IL1RAPL1: variants seen among roughly 807,000 people sequenced by gnomAD.
IL1RAPL1 encodes the protein interleukin 1 receptor accessory protein like 1.
In IL1RAPL1, 3 loss-of-function variants were observed where a neutral mutation model predicts 48.4. The observed-to-expected ratio is 0.06, with a 90% CI of 0.03 to 0.16. The LOEUF (loss-of-function observed/expected upper bound fraction) is 0.16. Among genes scored for constraint, IL1RAPL1 ranks in the 10% least tolerant of loss-of-function variants. IL1RAPL1 has a pLI of 1.00. For synonymous variants in IL1RAPL1, 185 were observed against 187.7 expected (o/e 0.99, Z 0.12); for missense variants, 349 against 530.6 (o/e 0.66, Z 3.36).
chrX:28,966,512 G>A (rs1924923416), intron 2 of IL1RAPL1, among the ~76,000 whole-genome samples: 1 of 111,270 alleles, frequency 9.0e-6, no homozygotes, highest in Non-Finnish European at 1.9e-5. Context: ...CAAAATGATC[G>A]TCCTCTGCCA....
Position 29,263,525 on chromosome X carries a change from C to G in IL1RAPL1, c.83-19413C>G, listed in dbSNP as rs141364563. 5.4e-3 allele frequency among the ~76,000 whole-genome samples: 603 copies of G among 112,212 alleles called. 6 individuals carry two copies. The East Asian group carries it at 0.081, about 15-fold the overall frequency. ...CCTACAATATTTGCCTGCTTTGACT[C>G]TGACTGTGCTTAAGTATATCCAGGC... On this transcript the variant is annotated intron_variant, in intron 2 of 10. Coordinates refer to ENST00000378993, the MANE Select transcript of IL1RAPL1 (RefSeq NM_014271.4).
intron 5 of IL1RAPL1, among the ~76,000 whole-genome samples, chrX:29,463,134 T>C (rs915202475): frequency 2.7e-5 from 3 of 111,084 alleles, no homozygotes; most frequent in Non-Finnish European, 5.7e-5. Context: ...TACTTTATTT[T>C]ATGACAAATG....
At chrX:29,550,466 A>G (rs2147787465) in intron 5 of IL1RAPL1, among the ~76,000 whole-genome samples, 1 of 112,247 alleles carries the variant, frequency 8.9e-6, no homozygotes, top group East Asian at 2.8e-4. Context: ...GGCGTGAGCC[A>G]CTGCGCCCGG....
chrX:29,947,773 G>T, intron 9 of IL1RAPL1, among the ~76,000 whole-genome samples: 1 of 104,994 alleles, frequency 9.5e-6, no homozygotes, highest in East Asian at 2.9e-4. Context: ...TTTTTGGTGG[G>T]GGGGTGGGTG....
chrX:29,019,560 T>A (rs1186448031), intron 2 of IL1RAPL1, among the ~76,000 whole-genome samples: 1 of 111,087 alleles, frequency 9.0e-6, no homozygotes, highest in Non-Finnish European at 1.9e-5. Context: ...AAGATGGAGA[T>A]CACCAAAAAA....
At chrX:29,365,753 A>T (rs1399573684) in intron 3 of IL1RAPL1, among the ~76,000 whole-genome samples, 1 of 109,373 alleles carries the variant, frequency 9.1e-6, no homozygotes, top group Non-Finnish European at 1.9e-5. Flanking sequence ...AAAAAGAAAG[A>T]AATGGTCCGG....
chrX:29,879,235 T>C (rs1931972432), intron 6 of IL1RAPL1, among the ~76,000 whole-genome samples: 1 of 109,804 alleles, frequency 9.1e-6, no homozygotes, highest in Non-Finnish European at 1.9e-5. Context: ...AACAGAACAG[T>C]GGTTGCCTGG....
intron 2 of IL1RAPL1, among the ~76,000 whole-genome samples, chrX:29,126,523 T>C (rs1265189905): frequency 8.9e-6 from 1 of 112,544 alleles, no homozygotes; most frequent in African/African-American, 3.2e-5. Flanking sequence ...TTCATGGTCC[T>C]TAAAAGACCT....
intron 1 of IL1RAPL1, among the ~76,000 whole-genome samples, chrX:28,670,763 T>A (rs1054471883): frequency 1.8e-5 from 2 of 112,232 alleles, no homozygotes; most frequent in Non-Finnish European, 3.8e-5. Context: ...AAATTCGAAT[T>A]ATTCTAATGA....
chrX:28,985,229 A>C (rs2147377370), intron 2 of IL1RAPL1, among the ~76,000 whole-genome samples: 1 of 111,803 alleles, frequency 8.9e-6, no homozygotes, highest in Non-Finnish European at 1.9e-5. Flanking sequence ...TTGTATTGGT[A>C]ATAAAAACAT....
intron 3 of IL1RAPL1, among the ~76,000 whole-genome samples, chrX:29,322,873 G>A (rs1448326721): frequency 8.9e-6 from 1 of 111,746 alleles, no homozygotes; most frequent in Non-Finnish European, 1.9e-5. Flanking sequence ...ACTCCCAAAG[G>A]AGAATTCAAA....
intron 5 of IL1RAPL1, among the ~76,000 whole-genome samples, chrX:29,658,085 C>T (rs1240031541): frequency 8.9e-6 from 1 of 111,947 alleles, no homozygotes; most frequent in Non-Finnish European, 1.9e-5. Context: ...TATGCAAAAT[C>T]TACTGCAGTA....
intron 1 of IL1RAPL1, among the ~76,000 whole-genome samples, chrX:28,609,238 G>A (rs1934118901): frequency 9.0e-6 from 1 of 111,373 alleles, no homozygotes; most frequent in South Asian, 3.7e-4. Context: ...GCTTGAATAC[G>A]GGAATATCCA....
At chrX:28,652,765 C>T (rs1465382615) in intron 1 of IL1RAPL1, among the ~76,000 whole-genome samples, 5 of 109,370 alleles carry the variant, frequency 4.6e-5, no homozygotes, top group Admixed American at 3.0e-4. Context: ...TGTAAAACAG[C>T]TGCATAGCTG....
At chrX:29,660,800 G>A (rs1369639344) in intron 5 of IL1RAPL1, among the ~76,000 whole-genome samples, 1 of 112,052 alleles carries the variant, frequency 8.9e-6, no homozygotes, top group East Asian at 2.8e-4. Context: ...GATTAGGATT[G>A]CTTTGGCTCC....
At chrX:29,654,262 C>T (rs1186863719) in intron 5 of IL1RAPL1, among the ~76,000 whole-genome samples, 1 of 110,985 alleles carries the variant, frequency 9.0e-6, no homozygotes, top group African/African-American at 3.3e-5. Flanking sequence ...CTATCATCTC[C>T]CAGTGCAGCC....
At chrX:28,773,043 A>C (rs1936325765) in intron 1 of IL1RAPL1, among the ~76,000 whole-genome samples, 1 of 109,946 alleles carries the variant, frequency 9.1e-6, no homozygotes. Flanking sequence ...GTGTCAAATA[A>C]TCCTTTTTTC....
At chrX:29,948,984 TCCAATACAGC>T (rs1400358074) in intron 9 of IL1RAPL1, among the ~76,000 whole-genome samples, 4 of 112,116 alleles carry the variant, frequency 3.6e-5, no homozygotes, top group African/African-American at 1.3e-4. Flanking sequence ...TCTAGCCAAA[TCCAATACAGC>T]CACTACCTTC....
intron 5 of IL1RAPL1, among the ~76,000 whole-genome samples, chrX:29,434,764 A>G (rs1334111133): frequency 9.0e-6 from 1 of 111,189 alleles, no homozygotes; most frequent in African/African-American, 3.2e-5. Flanking sequence ...CTCATCAATT[A>G]TTGTTTTAAT....
Sources: gnomAD v4.1 joint callset for allele counts (sites outside exome capture counted in the v4.1 genomes callset) on GRCh38, gnomAD v4.1.1 for gene constraint, MANE v1.5 for transcripts, NCBI Gene and HGNC (gene_info 2026-07-23, HGNC 2026-07-21) for gene names.